Variants in SCGN observed in about 807,000 individuals in gnomAD.
SCGN encodes the protein secretagogin.
SCGN carries 30 observed loss-of-function variants against 39.7 expected under a neutral mutation model. That is an observed-to-expected ratio of 0.76 (90% confidence interval 0.57 to 1.03). The LOEUF (loss-of-function observed/expected upper bound fraction) is 1.03, where lower values mean the gene tolerates loss of function less well. SCGN is among the 50% of genes least tolerant of loss of function. The pLI, the probability that SCGN is intolerant of heterozygous loss-of-function variation, is 0.00. For missense variants in SCGN, 353 were observed against 349.4 expected (o/e 1.01, Z -0.08); for synonymous variants, 106 against 114.1 (o/e 0.93, Z 0.45).
chr6:25,697,481 G>C, intron 10 of SCGN, among the ~76,000 whole-genome samples: 1 of 152,214 alleles, frequency 6.6e-6, no homozygotes, highest in East Asian at 1.9e-4. Flanking sequence ...TCCAGTGTTG[G>C]AGTCATGATG....
At chr6:25,689,616 G>C in intron 9 of SCGN, 84 bp downstream of exon 9, 1 of 1,127,032 alleles carries the variant, frequency 8.9e-7, no homozygotes, top group South Asian at 1.3e-5. Context: ...TTACCCAACA[G>C]ACCCTAAACT....
At chr6:25,698,457 G>A (rs769838636) in intron 10 of SCGN, among the ~76,000 whole-genome samples, 4 of 152,332 alleles carry the variant, frequency 2.6e-5, no homozygotes, top group African/African-American at 9.6e-5. Flanking sequence ...TACCACTTGA[G>A]TATTTTCTAA....
intron 7 of SCGN, 23 bp from the exon 8 acceptor site, chr6:25,689,149 G>T (rs776398654): frequency 1.4e-6 from 2 of 1,403,446 alleles, no homozygotes; most frequent in East Asian, 4.9e-5. Context: ...TCCTTACGTG[G>T]ATTTTTTTTT....
chr6:25,698,742 G>A (rs1203955234), intron 10 of SCGN, among the ~76,000 whole-genome samples: 1 of 152,110 alleles, frequency 6.6e-6, no homozygotes, highest in Non-Finnish European at 1.5e-5. Context: ...TAATCATTCA[G>A]GCCACTCTCC....
intron 6 of SCGN, among the ~76,000 whole-genome samples, chr6:25,681,379 C>A (rs1329699903): frequency 6.6e-6 from 1 of 152,112 alleles, no homozygotes; most frequent in Non-Finnish European, 1.5e-5. Flanking sequence ...TTTCAGAAAA[C>A]CTTGACTCAA....
intron 2 of SCGN, among the ~76,000 whole-genome samples, chr6:25,659,872 AAGAGGTC>A (rs1185987508): frequency 6.6e-6 from 1 of 152,096 alleles, no homozygotes; most frequent in Non-Finnish European, 1.5e-5. Flanking sequence ...TGCCATATGC[AAGAGGTC>A]AACTGAAAAG....
chr6:25,655,014 G>A (rs759437390), intron 2 of SCGN, among the ~76,000 whole-genome samples: 5 of 152,176 alleles, frequency 3.3e-5, no homozygotes, highest in African/African-American at 4.8e-5. Context: ...CCACTTTCAC[G>A]TGCTAGCAGC....
intron 3 of SCGN, 138 bp from the exon 4 acceptor site, chr6:25,664,805 C>T (rs771680176): frequency 1.7e-6 from 1 of 594,728 alleles, no homozygotes; most frequent in African/African-American, 1.9e-5. Flanking sequence ...GAGCACAGAA[C>T]TGCAAACCGA....
intron 2 of SCGN, 111 bp downstream of exon 2, chr6:25,653,563 C>T (rs1416300609): frequency 3.9e-6 from 3 of 760,430 alleles, no homozygotes; most frequent in Non-Finnish European, 6.5e-6. Context: ...TTCTTCCTTG[C>T]ATGTATGTAA....
chr6:25,699,304 C>T (rs554836182), intron 10 of SCGN, among the ~76,000 whole-genome samples: 51 of 151,924 alleles, frequency 3.4e-4, no homozygotes, highest in Non-Finnish European at 5.6e-4. Flanking sequence ...AGTTTGAAAA[C>T]GGGACTGGGC....
chr6:25,701,085 A>T (rs1364547812), intron 10 of SCGN, 122 bp from the exon 11 acceptor site: 1 of 1,059,158 alleles, frequency 9.4e-7, no homozygotes, highest in African/African-American at 1.6e-5. Flanking sequence ...TCATTCCCTC[A>T]CTCCCTGTGG....
intron 10 of SCGN, among the ~76,000 whole-genome samples, chr6:25,698,862 C>A (rs1759870518): frequency 6.6e-6 from 1 of 152,222 alleles, no homozygotes; most frequent in Non-Finnish European, 1.5e-5. Flanking sequence ...GCTCTGCCAT[C>A]TGGCTCCCAA....
intron 4 of SCGN, among the ~76,000 whole-genome samples, chr6:25,666,629 A>G (rs1052944800): frequency 2.0e-5 from 3 of 152,244 alleles, no homozygotes; most frequent in Non-Finnish European, 4.4e-5. Flanking sequence ...GGTATTGAAC[A>G]TTATTAATCA....
At chr6:25,668,028 G>T (rs1019275008) in intron 4 of SCGN, among the ~76,000 whole-genome samples, 1 of 152,176 alleles carries the variant, frequency 6.6e-6, no homozygotes. Flanking sequence ...GTTCTGGAAG[G>T]AGTGATGTTT....
chr6:25,677,518 C>A (rs1759579470), intron 6 of SCGN, among the ~76,000 whole-genome samples: 1 of 151,924 alleles, frequency 6.6e-6, no homozygotes, highest in Non-Finnish European at 1.5e-5. Flanking sequence ...GAATGAGGAT[C>A]TCCTTTAAAG....
At chr6:25,653,258 G>A (rs1760165638) in intron 1 of SCGN, 124 bp from the exon 2 acceptor site, 1 of 680,994 alleles carries the variant, frequency 1.5e-6, no homozygotes, top group Non-Finnish European at 2.5e-6. Context: ...CTTTGTTATT[G>A]GAATAACAAA....
chr6:25,666,343 G>A (rs1411691267), intron 4 of SCGN, among the ~76,000 whole-genome samples: 2 of 151,864 alleles, frequency 1.3e-5, no homozygotes, highest in African/African-American at 2.4e-5. Context: ...TGACAAGAGG[G>A]AAACTCGGTC....
At position 25,666,246 on chromosome 6, in the gene SCGN, C is replaced by T. The variant is rs541093024; in HGVS notation, c.336+1214C>T. Among the ~76,000 whole-genome samples, 20 of 151,158 alleles carry T rather than the reference C, an allele frequency of 1.3e-4. No homozygotes were observed. The South Asian group carries it at 3.8e-3, about 28-fold the overall frequency. ...TGGTGGGCACCTGTAATCCCAGCTA[C>T]TCGGGAGGCGTAGGGTGGAGAATCA... On this transcript the variant is annotated intron_variant, in intron 4 of 10. Coordinates refer to ENST00000377961, the MANE Select transcript of SCGN (RefSeq NM_006998.4).
chr6:25,683,267 G>A (rs1759661377), intron 7 of SCGN, among the ~76,000 whole-genome samples: 1 of 152,140 alleles, frequency 6.6e-6, no homozygotes, highest in South Asian at 2.1e-4. Context: ...TCAAGTAGAG[G>A]TCAGAGAGCT....
Sources: allele counts gnomAD v4.1 joint callset (sites outside exome capture counted in the v4.1 genomes callset), GRCh38; gene constraint gnomAD v4.1.1; transcripts MANE v1.5; gene names NCBI Gene and HGNC (gene_info 2026-07-23, HGNC 2026-07-21).